The following KATNIP variants were observed in gnomAD, a reference collection of about 807,000 sequenced individuals.
KATNIP encodes the protein katanin interacting protein, also known as katanin-interacting protein.
A neutral mutation model predicts 174.0 loss-of-function variants in KATNIP; 126 were observed. That is an observed-to-expected ratio of 0.72 (90% CI 0.63 to 0.84). KATNIP has a LOEUF of 0.84. Among genes scored for constraint, KATNIP ranks in the 40% least tolerant of loss-of-function variants. The pLI, the probability that KATNIP is intolerant of heterozygous loss-of-function variation, is 0.00. For synonymous variants in KATNIP, 810 were observed against 835.7 expected, an observed-to-expected ratio of 0.97 and a Z score of 0.53; for missense variants, 1,958 against 2,109.7, an observed-to-expected ratio of 0.93 and a Z score of 1.41.
intron 6 of KATNIP, among the ~76,000 whole-genome samples, chr16:27,665,852 C>A (rs765198909): frequency 4.6e-5 from 7 of 152,158 alleles, no homozygotes; most frequent in Admixed American, 2.0e-4. Context: ...CCACCCACCT[C>A]GGCCTGGCAA....
At chr16:27,648,772 A>G (rs928788617) in intron 6 of KATNIP, 37 bp downstream of exon 6, 5 of 1,601,698 alleles carry the variant, frequency 3.1e-6, no homozygotes, top group Non-Finnish European at 4.3e-6. Context: ...GGGACACCTG[A>G]AGGACGGCGA....
intron 8 of KATNIP, among the ~76,000 whole-genome samples, chr16:27,697,631 ATAT>A (rs60286034): frequency 0.016 from 2,443 of 151,190 alleles, 63 homozygotes; most frequent in African/African-American, 0.055. Flanking sequence ...ATATACAGAA[ATAT>A]TATGCACACA....
intron 8 of KATNIP, among the ~76,000 whole-genome samples, chr16:27,684,881 A>G (rs530826333): frequency 7.9e-5 from 12 of 152,140 alleles, no homozygotes; most frequent in African/African-American, 2.4e-4. Flanking sequence ...ATCTGCAAAC[A>G]CCCTATTTCC....
chr16:27,689,142 G>A (rs911046578), intron 8 of KATNIP, among the ~76,000 whole-genome samples: 20 of 152,212 alleles, frequency 1.3e-4, no homozygotes, highest in Admixed American at 4.6e-4. Context: ...GTGGCCAGGC[G>A]TAGTAGATCA....
chr16:27,734,739 C>T (rs1202222252), intron 14 of KATNIP, among the ~76,000 whole-genome samples: 1 of 152,030 alleles, frequency 6.6e-6, no homozygotes, highest in Non-Finnish European at 1.5e-5. Flanking sequence ...GCTCAGAGCT[C>T]CACCGGTACA....
chr16:27,678,390 G>A lies in KATNIP; in HGVS notation c.808+394G>A, dbSNP rs147265308. ...CCTCTTCGTCTTCTTTTCCCTCTCC[G>A]TCTCCATCTCTCTCCCATCTCCCCT... On this transcript the variant is annotated intron_variant, in intron 7 of 27. Transcript: ENST00000261588. 4.0e-5 allele frequency among the ~76,000 whole-genome samples: 6 copies of A among 151,670 alleles called. 1 individual carries two copies. Among genetic ancestry groups the A allele is most frequent in the Middle Eastern group, 6.9e-3 (2 of 290 alleles).
chr16:27,566,156 C>T (rs1165262782), intron 1 of KATNIP, among the ~76,000 whole-genome samples: 1 of 152,006 alleles, frequency 6.6e-6, no homozygotes, highest in Admixed American at 6.6e-5. Flanking sequence ...CTTAGGACAC[C>T]TTGTCCCCAT....
rs778602190 is a variant in KATNIP at position 27,621,807 on chromosome 16, G to A, written c.140+3306G>A. Among the ~76,000 whole-genome samples the A allele has an allele frequency of 6.6e-5, 10 of 151,818 alleles. No individual in the cohort carries two copies. In the South Asian group the frequency reaches 1.0e-3, roughly 16 times the overall value. On this transcript the variant is annotated intron_variant, in intron 3 of 27. Transcript: ENST00000261588. ...GGTGGGGGGGAGGTGCCACACACTT[G>A]TAAATGGCCAGATCTTGGGAGAACT... is the stretch of plus-strand genomic sequence containing the variant.
At chr16:27,756,405 T>C (rs1025405697) in intron 18 of KATNIP, among the ~76,000 whole-genome samples, 1 of 152,244 alleles carries the variant, frequency 6.6e-6, no homozygotes, top group Non-Finnish European at 1.5e-5. Flanking sequence ...CTTATCTCGC[T>C]GTAACACTCC....
At chr16:27,600,065 C>T (rs1000074470) in intron 2 of KATNIP, among the ~76,000 whole-genome samples, 9 of 152,206 alleles carry the variant, frequency 5.9e-5, no homozygotes, top group South Asian at 4.1e-4. Flanking sequence ...CGAGCACTGA[C>T]GTCATACATT....
At chr16:27,567,153 C>T (rs574486675) in intron 1 of KATNIP, among the ~76,000 whole-genome samples, 5 of 152,320 alleles carry the variant, frequency 3.3e-5, no homozygotes, top group Non-Finnish European at 7.3e-5. Flanking sequence ...CTGAGGTTCA[C>T]GGAGGCTCCT....
Position 27,761,441 on chromosome 16 carries a change from G to T in KATNIP, c.3660G>T (p.Trp1220Cys). 1 of 1,613,426 alleles carries T rather than the reference G, an allele frequency of 6.2e-7. No homozygotes were observed. Residue 1220 changes from tryptophan (W) to cysteine (C), a missense_variant, in exon 19 of 28, where the codon TGG becomes TGT. Coordinates refer to ENST00000261588, the MANE Select transcript of KATNIP (RefSeq NM_015202.5). ...ICLQLNFTAS[W>C]GDLHYLGLTG... ...TTCAGCTGAATTTCACTGCCTCCTGGGGAGACTTGCACTACCTGGGGCTCA... is the reference window on the plus strand; with the variant it reads ...TTCAGCTGAATTTCACTGCCTCCTGTGGAGACTTGCACTACCTGGGGCTCA...
chr16:27,568,052 C>T (rs2090154470), intron 1 of KATNIP, among the ~76,000 whole-genome samples: 1 of 152,148 alleles, frequency 6.6e-6, no homozygotes. Flanking sequence ...CTGGGTAGTT[C>T]TTTATGCAAA....
intron 2 of KATNIP, among the ~76,000 whole-genome samples, chr16:27,598,364 C>A (rs1435003750): frequency 6.6e-6 from 1 of 152,206 alleles, no homozygotes; most frequent in Non-Finnish European, 1.5e-5. Context: ...AACCGTCTCT[C>A]TCCTGTCTGC....
intron 6 of KATNIP, among the ~76,000 whole-genome samples, chr16:27,664,824 C>A (rs1490770257): frequency 6.6e-6 from 1 of 152,096 alleles, no homozygotes; most frequent in African/African-American, 2.4e-5. Flanking sequence ...GCCTTTTCAG[C>A]AAAAATTTCA....
At chr16:27,670,092 C>T (rs143488982) in intron 6 of KATNIP, among the ~76,000 whole-genome samples, 1 of 152,142 alleles carries the variant, frequency 6.6e-6, no homozygotes, top group African/African-American at 2.4e-5. Flanking sequence ...ATTCAAATTT[C>T]TTTATCACAG....
chr16:27,669,443 C>A (rs2077809489), intron 6 of KATNIP: 1 of 235,586 alleles, frequency 4.2e-6, no homozygotes, highest in Non-Finnish European at 6.9e-6. Context: ...ATTTTAAACA[C>A]TGAACACTGA....
chr16:27,649,422 A>G (rs1208492816), intron 6 of KATNIP, among the ~76,000 whole-genome samples: 1 of 152,240 alleles, frequency 6.6e-6, no homozygotes, highest in African/African-American at 2.4e-5. Flanking sequence ...CTCACTGACC[A>G]TCAGGCTCTG....
In KATNIP at chr16:27,641,247, T is replaced by C. The variant is rs577559196; in HGVS notation, c.409-7357T>C. Among the ~76,000 whole-genome samples the C allele has an allele frequency of 2.6e-5, 4 of 152,260 alleles. No homozygotes were observed. In the South Asian group the frequency reaches 8.3e-4, roughly 32 times the overall value. ...CTAGCAGAATTGTTCATCCCGATTC[T>C]TGGTTATCTTAAGTTCAGGCACGTT... On this transcript the variant is annotated intron_variant, in intron 5 of 27. Coordinates refer to ENST00000261588, the MANE Select transcript of KATNIP (RefSeq NM_015202.5).
Sources: gnomAD v4.1 joint callset for allele counts (sites outside exome capture counted in the v4.1 genomes callset) on GRCh38, gnomAD v4.1.1 for gene constraint, MANE v1.5 for transcripts, NCBI Gene and HGNC (gene_info 2026-07-23, HGNC 2026-07-21) for gene names.